Variants in MMP7 observed in about 807,000 individuals in gnomAD.
The protein encoded by MMP7 is matrilysin.
A neutral mutation model predicts 31.5 loss-of-function variants in MMP7; 26 were observed. The observed-to-expected ratio is 0.83, with a 90% CI of 0.61 to 1.15. The LOEUF is 1.15. MMP7 is among the 50% of genes most tolerant of loss of function. MMP7 has a pLI of 0.00. For synonymous variants in MMP7, 142 were observed against 124.2 expected (o/e 1.14, Z -0.95); for missense variants, 367 against 326.5 (o/e 1.12, Z -0.96).
intron 3 of MMP7, among the ~76,000 whole-genome samples, chr11:102,526,303 G>A (rs1459258724): frequency 6.7e-6 from 1 of 150,046 alleles, no homozygotes. Context: ...ACAGTGGTGT[G>A]ACCTTGGCTC....
At chr11:102,529,933 C>T (rs1177726486) in intron 1 of MMP7, among the ~76,000 whole-genome samples, 1 of 152,138 alleles carries the variant, frequency 6.6e-6, no homozygotes, top group African/African-American at 2.4e-5. Flanking sequence ...TACATACATG[C>T]TAGTTGGTTT....
In MMP7 at chr11:102,523,312, T is replaced by C. The variant is rs1310974787; in HGVS notation, c.703A>G (p.Thr235Ala). The C allele has an allele frequency of 1.2e-6, 2 of 1,613,142 alleles. No individual in the cohort carries two copies. Among genetic ancestry groups the C allele is most frequent in the African/African-American group, 2.7e-5 (2 of 74,876 alleles). ...TTTTGGGGATCTCCATTTCCATAGGTTGGATACATCACTGCATTAGGATCA... is the reference window on the plus strand; with the variant it reads ...TTTTGGGGATCTCCATTTCCATAGGCTGGATACATCACTGCATTAGGATCA... ...SSDPNAVMYPTYGNGDPQNFK... is the reference protein window; with the variant it reads ...SSDPNAVMYPAYGNGDPQNFK... Residue 235 changes from threonine to alanine, a missense_variant, in exon 5 of 6, where the codon ACC becomes GCC. Coordinates refer to ENST00000260227, the MANE Select transcript of MMP7 (RefSeq NM_002423.5).
Position 102,523,349 on chromosome 11 carries a change from C to T in MMP7, c.666G>A (p.Met222Ile). 1 of 1,611,944 alleles carries T rather than the reference C, an allele frequency of 6.2e-7. No homozygotes were observed. The highest frequency in any genetic ancestry group is 8.5e-7 in the Non-Finnish European group (1 of 1,178,896). Residue 222 changes from methionine (M) to isoleucine (I), a missense_variant, in exon 5 of 6, where the codon ATG (methionine) becomes ATA (isoleucine). By Grantham distance (10) the Met-to-Ile change is conservative (BLOSUM62 1). Coordinates refer to ENST00000260227, the MANE Select transcript of MMP7 (RefSeq NM_002423.5). ...ATHELGHSLGMGHSSDPNAVM... is the reference protein window; with the variant it reads ...ATHELGHSLGIGHSSDPNAVM... ...CTGCATTAGGATCAGAGGAATGTCC[C>T]ATACCCAAAGAATGGCCAAGTTCAT...
intron 5 of MMP7, among the ~76,000 whole-genome samples, chr11:102,521,987 G>A (rs1328511001): frequency 1.3e-5 from 2 of 152,200 alleles, no homozygotes; most frequent in African/African-American, 4.8e-5. Context: ...GTTCTCTGAA[G>A]TGCTAGTTTA....
intron 1 of MMP7, among the ~76,000 whole-genome samples, chr11:102,529,353 A>G (rs1858707027): frequency 6.6e-6 from 1 of 152,186 alleles, no homozygotes; most frequent in Non-Finnish European, 1.5e-5. Context: ...GACTTTACCA[A>G]GACACCCTCT....
At chr11:102,523,119 G>A in intron 5 of MMP7, 121 bp downstream of exon 5, 1 of 669,114 alleles carries the variant, frequency 1.5e-6, no homozygotes, top group South Asian at 2.7e-5. Flanking sequence ...CCCTCAATAG[G>A]CTTTTTGATA....
intron 3 of MMP7, among the ~76,000 whole-genome samples, chr11:102,525,889 G>A (rs1030019750): frequency 6.6e-6 from 1 of 151,640 alleles, no homozygotes; most frequent in Non-Finnish European, 1.5e-5. Context: ...GTGATGCAGA[G>A]CTGGTTATCT....
intron 1 of MMP7, among the ~76,000 whole-genome samples, chr11:102,529,681 T>C (rs562460535): frequency 3.3e-5 from 5 of 152,308 alleles, no homozygotes; most frequent in African/African-American, 9.6e-5. Context: ...CAAATAATAG[T>C]TATAAGTAAT....
In MMP7 at chr11:102,526,222, A is replaced by AT. The variant is rs1565375814; in HGVS notation, c.485-1159_485-1158insA. On this transcript the variant is annotated intron_variant, in intron 3 of 5. Transcript: ENST00000260227. ...ATATAGAAAAACCCACGTAAAAAAA[A>AT]AAAATATATATATATATATTTTTTT... Among the ~76,000 whole-genome samples, 270 of 87,124 alleles carry AT rather than the reference A, an allele frequency of 3.1e-3. 1 individual carries two copies. The highest frequency in any genetic ancestry group is 0.017 in the African/African-American group (232 of 13,778). 57.2% of individuals were successfully genotyped at this position (87,124 alleles called of 152,430 possible).
At position 102,520,702 on chromosome 11, in the gene MMP7, G is replaced by A. The variant is rs1026002714; in HGVS notation, c.*74C>T. On this transcript the variant is annotated 3_prime_UTR_variant, in exon 6 of 6. Transcript: ENST00000260227. ...TTGCTAAATGGAGTGGAGGAACAGT[G>A]CTTATCAATTCTGATTGTGCAACAA... 5 of 1,254,662 alleles carry A rather than the reference G, an allele frequency of 4.0e-6. No individual in the cohort carries two copies. In the Admixed American group the frequency reaches 1.0e-4, roughly 25 times the overall value. 77.7% of individuals were successfully genotyped at this position (1,254,662 alleles called of 1,614,324 possible). A position where few individuals can be genotyped will look rare whatever the true frequency, so the allele number is the denominator to read the frequency against.
At chr11:102,526,242 T>A (rs12419959) in intron 3 of MMP7, among the ~76,000 whole-genome samples, 80,966 of 115,558 alleles carry the variant, frequency 0.7, 26,106 homozygotes, top group Non-Finnish European at 0.75. Flanking sequence ...ATATATATAT[T>A]TTTTTTTTTT....
rs1303732525 is a variant in MMP7, at chr11:102,520,544, G to A, written c.*232C>T. 1.7e-5 allele frequency: 7 copies of A among 410,874 alleles called. No individual in the cohort carries two copies. Among genetic ancestry groups the A allele is most frequent in the East Asian group, 1.1e-4 (3 of 27,908 alleles). 25.5% of individuals were successfully genotyped at this position (410,874 alleles called of 1,614,324 possible). ...TGGAATAAACATTTTATTTATTTGT[G>A]TATGTAACATTTATTGACATCTACC... On this transcript the variant is annotated 3_prime_UTR_variant, in exon 6 of 6. Coordinates refer to ENST00000260227, the MANE Select transcript of MMP7 (RefSeq NM_002423.5).
chr11:102,525,508 C>T (rs994255929), intron 3 of MMP7, among the ~76,000 whole-genome samples: 1 of 151,174 alleles, frequency 6.6e-6, no homozygotes, highest in African/African-American at 2.4e-5. Context: ...TATGTGCTGT[C>T]GGTTGCACTC....
rs1341777507 is a variant in MMP7, at chr11:102,524,974, A to T, written c.575T>A (p.Phe192Tyr). 4.3e-6 allele frequency: 7 copies of T among 1,613,986 alleles called. No homozygotes were observed. The highest frequency in any genetic ancestry group is 5.9e-6 in the Non-Finnish European group (7 of 1,180,006). Residue 192 changes from phenylalanine (F) to tyrosine (Y), a missense_variant, in exon 4 of 6, where the codon TTC (phenylalanine) becomes TAC (tyrosine). Transcript: ENST00000260227. ...PGTGLGGDAHFDEDERWTDGS... is the reference protein window; with the variant it reads ...PGTGLGGDAHYDEDERWTDGS... Reference sequence around the variant, plus strand: ...ATCCGTCCAGCGTTCATCCTCATCGAAGTGAGCATCTCCTCCGAGACCTGT... The same window carrying T: ...ATCCGTCCAGCGTTCATCCTCATCGTAGTGAGCATCTCCTCCGAGACCTGT...
At chr11:102,526,720 T>C (rs1302809383) in intron 3 of MMP7, among the ~76,000 whole-genome samples, 1 of 152,208 alleles carries the variant, frequency 6.6e-6, no homozygotes, top group Non-Finnish European at 1.5e-5. Flanking sequence ...CATATAGTCA[T>C]GTGCTACATA....
At chr11:102,525,454 TAA>T (rs370239404) in intron 3 of MMP7, among the ~76,000 whole-genome samples, 1 of 138,010 alleles carries the variant, frequency 7.2e-6, no homozygotes, top group Non-Finnish European at 1.6e-5. Flanking sequence ...AAAAATAAAT[TAA>T]AAAAAAAAAA....
intron 3 of MMP7, among the ~76,000 whole-genome samples, chr11:102,525,766 T>G (rs1296952066): frequency 1.3e-5 from 2 of 150,120 alleles, no homozygotes; most frequent in East Asian, 1.9e-4. Context: ...TTCATAGGTT[T>G]TTTTTTTTTT....
At chr11:102,523,954 T>C (rs1359877810) in intron 4 of MMP7, among the ~76,000 whole-genome samples, 1 of 152,214 alleles carries the variant, frequency 6.6e-6, no homozygotes, top group Admixed American at 6.5e-5. Context: ...GCAGGGTCTC[T>C]AGGCAATGCT....
At chr11:102,527,224 G>A (rs1277653014) in intron 3 of MMP7, 1 of 383,990 alleles carries the variant, frequency 2.6e-6, no homozygotes, top group East Asian at 5.8e-5. Flanking sequence ...AGCCCAAACA[G>A]TCATAGGTAA....
Sources: gnomAD v4.1 joint callset for allele counts (sites outside exome capture counted in the v4.1 genomes callset) on GRCh38, gnomAD v4.1.1 for gene constraint, MANE v1.5 for transcripts, NCBI Gene and HGNC (gene_info 2026-07-23, HGNC 2026-07-21) for gene names.